Variants in CNTN3 observed in about 807,000 individuals in gnomAD.
The protein encoded by CNTN3 is contactin 3.
A neutral mutation model predicts 119.1 loss-of-function variants in CNTN3; 60 were observed. The observed-to-expected ratio is 0.50, with a 90% CI of 0.41 to 0.62. The LOEUF is 0.62. Among genes scored for constraint, CNTN3 ranks in the 20% least tolerant of loss-of-function variants. The pLI is 0.00. For missense variants in CNTN3, 1,101 were observed against 1,242.4 expected (o/e 0.89, Z 1.71); for synonymous variants, 450 against 438.7 (o/e 1.03, Z -0.32).
chr3:74,338,686 G>T (rs1339828612), intron 11 of CNTN3, among the ~76,000 whole-genome samples: 1 of 151,976 alleles, frequency 6.6e-6, no homozygotes, highest in Admixed American at 6.6e-5. Flanking sequence ...TAGCACACAG[G>T]TTCATGATCC....
At chr3:74,600,205 T>C (rs753880212) in intron 1 of CNTN3, among the ~76,000 whole-genome samples, 4 of 151,510 alleles carry the variant, frequency 2.6e-5, no homozygotes, top group African/African-American at 7.3e-5. Flanking sequence ...AGAAAAAAGG[T>C]TTAAGGTGAA....
chr3:74,591,268 A>G (rs567613336), intron 1 of CNTN3, among the ~76,000 whole-genome samples: 65 of 152,134 alleles, frequency 4.3e-4, no homozygotes, highest in South Asian at 6.2e-4. Flanking sequence ...ATTATTAGTA[A>G]TATCAATGAG....
At chr3:74,331,357 A>G (rs1489082988) in intron 13 of CNTN3, among the ~76,000 whole-genome samples, 2 of 152,192 alleles carry the variant, frequency 1.3e-5, no homozygotes, top group African/African-American at 2.4e-5. Flanking sequence ...AATAGGCTAT[A>G]CCACACAGCC....
Position 74,470,889 on chromosome 3 carries a change from T to A in CNTN3, c.358+15567A>T, listed in dbSNP as rs1413509356. Among the ~76,000 whole-genome samples, 6 of 139,206 alleles carry A rather than the reference T, an allele frequency of 4.3e-5. No individual in the cohort carries two copies. The East Asian group carries it at 1.2e-3, about 28-fold the overall frequency. 91.3% of individuals were successfully genotyped at this position (139,206 alleles called of 152,430 possible). On this transcript the variant is annotated intron_variant, in intron 4 of 22. Coordinates refer to ENST00000263665, the MANE Select transcript of CNTN3 (RefSeq NM_020872.3). Reference sequence around the variant, plus strand: ...CGGTTTTTTGTTGTTGTTGTTGTTGTTGTCTGAGATGGAGTCTTGCTCTGT... The same window carrying A: ...CGGTTTTTTGTTGTTGTTGTTGTTGATGTCTGAGATGGAGTCTTGCTCTGT...
chr3:74,444,108 CTG>C (rs1702010019), intron 4 of CNTN3, among the ~76,000 whole-genome samples: 1 of 152,134 alleles, frequency 6.6e-6, no homozygotes, highest in African/African-American at 2.4e-5. Context: ...AGCATTCTCC[CTG>C]TGTGTCTCCG....
intron 4 of CNTN3, among the ~76,000 whole-genome samples, chr3:74,433,400 G>C (rs1044402655): frequency 6.6e-6 from 1 of 152,082 alleles, no homozygotes; most frequent in Non-Finnish European, 1.5e-5. Context: ...AGCCTTTTGC[G>C]AGATTTTAAA....
At chr3:74,321,931 G>C (rs922264515) in intron 13 of CNTN3, among the ~76,000 whole-genome samples, 12 of 152,104 alleles carry the variant, frequency 7.9e-5, no homozygotes, top group African/African-American at 2.7e-4. Context: ...ACCAGGTCCA[G>C]ATGGGTTCAA....
intron 20 of CNTN3, among the ~76,000 whole-genome samples, chr3:74,283,890 A>C (rs1251963318): frequency 6.6e-6 from 1 of 152,174 alleles, no homozygotes; most frequent in Non-Finnish European, 1.5e-5. Flanking sequence ...CAGGTAGATT[A>C]GACTTCCTAT....
At chr3:74,591,197 G>A (rs1467797030) in intron 1 of CNTN3, among the ~76,000 whole-genome samples, 5 of 151,800 alleles carry the variant, frequency 3.3e-5, no homozygotes, top group Admixed American at 1.3e-4. Context: ...TTGAGGTCAT[G>A]TGAGTAAGTT....
At chr3:74,476,194 G>T (rs146184252) in intron 4 of CNTN3, among the ~76,000 whole-genome samples, 2 of 152,276 alleles carry the variant, frequency 1.3e-5, no homozygotes, top group African/African-American at 4.8e-5. Context: ...AAAACAAGGT[G>T]AGGTATTATT....
chr3:74,296,631 AG>A (rs974346452), intron 18 of CNTN3, among the ~76,000 whole-genome samples: 1 of 152,214 alleles, frequency 6.6e-6, no homozygotes, highest in African/African-American at 2.4e-5. Context: ...TCTGGAGGGT[AG>A]GGGAGACACT....
Position 74,486,526 on chromosome 3 carries a change from T to C in CNTN3, c.288A>G (p.Gly96=). 1 of 1,610,006 alleles carries C rather than the reference T, an allele frequency of 6.2e-7. No homozygotes were observed. The highest frequency in any genetic ancestry group is 8.5e-7 in the Non-Finnish European group (1 of 1,179,134). Residue 96 remains glycine (G), a synonymous_variant, in exon 4 of 23, where the codon GGA becomes GGG. Transcript: ENST00000263665. ...VINPNRNWDT[G]TYQCFATNSL... ...AATTTGTTGCAAAACATTGGTAAGT[T>C]CCTGTATCCCAATTTCTGTTGGGAT...
chr3:74,378,321 T>C (rs371996154), intron 5 of CNTN3, among the ~76,000 whole-genome samples: 2 of 152,238 alleles, frequency 1.3e-5, no homozygotes, highest in Non-Finnish European at 2.9e-5. Context: ...CCGAAAGACA[T>C]CTATCAGCAT....
At chr3:74,552,885 T>C (rs918017599) in intron 1 of CNTN3, among the ~76,000 whole-genome samples, 5 of 152,196 alleles carry the variant, frequency 3.3e-5, no homozygotes, top group African/African-American at 7.2e-5. Context: ...GATTGGAAGT[T>C]TCCTGAGTCC....
At chr3:74,406,206 C>T (rs1185825608) in intron 5 of CNTN3, among the ~76,000 whole-genome samples, 1 of 151,958 alleles carries the variant, frequency 6.6e-6, no homozygotes, top group Non-Finnish European at 1.5e-5. Context: ...ATGCTAATTG[C>T]CTTAAAAGAT....
intron 1 of CNTN3, among the ~76,000 whole-genome samples, chr3:74,583,717 G>A (rs550367146): frequency 6.6e-6 from 1 of 152,286 alleles, no homozygotes; most frequent in Admixed American, 6.5e-5. Flanking sequence ...GCATTAGGTT[G>A]TGTATTAATC....
chr3:74,350,389 G>A (rs1025865061), intron 11 of CNTN3, among the ~76,000 whole-genome samples: 5 of 152,146 alleles, frequency 3.3e-5, no homozygotes, highest in Non-Finnish European at 4.4e-5. Flanking sequence ...TCTCACACCA[G>A]TCAGAATGGC....
Position 74,266,669 on chromosome 3 carries a change from A to G in CNTN3, c.2818-20T>C. On this transcript the variant is annotated intron_variant, in intron 21 of 22. Transcript: ENST00000263665. ...GAAAACCTAAAATGCATGAACAAAT[A>G]CACTTACTTGTTATATTGCCCATTT... 1 of 1,609,790 alleles carries G rather than the reference A, an allele frequency of 6.2e-7. No individual in the cohort carries two copies. Among genetic ancestry groups the G allele is most frequent in the Non-Finnish European group, 8.5e-7 (1 of 1,176,912 alleles).
chr3:74,466,631 G>A (rs1702465920), intron 4 of CNTN3, among the ~76,000 whole-genome samples: 1 of 152,132 alleles, frequency 6.6e-6, no homozygotes, highest in Non-Finnish European at 1.5e-5. Flanking sequence ...GGTTGAATGT[G>A]ACATTTTATT....
Sources: gnomAD v4.1 joint callset for allele counts (sites outside exome capture counted in the v4.1 genomes callset) on GRCh38, gnomAD v4.1.1 for gene constraint, MANE v1.5 for transcripts, NCBI Gene and HGNC (gene_info 2026-07-23, HGNC 2026-07-21) for gene names.